Variants in PATJ observed in about 807,000 individuals in gnomAD.
PATJ encodes inaD-like protein.
PATJ carries 190 observed loss-of-function variants against 224.9 expected under a neutral mutation model. That is an observed-to-expected ratio of 0.84 (90% CI 0.75 to 0.95). PATJ has a LOEUF of 0.95. PATJ is among the 40% of genes least tolerant of loss of function. The pLI is 0.00. For missense variants in PATJ, 2,121 were observed against 2,270.3 expected, an observed-to-expected ratio of 0.93 and a Z score of 1.34; for synonymous variants, 769 against 820.3, an observed-to-expected ratio of 0.94 and a Z score of 1.07.
At chr1:61,919,720 A>G (rs113343795) in intron 26 of PATJ, among the ~76,000 whole-genome samples, 42 of 152,208 alleles carry the variant, frequency 2.8e-4, no homozygotes, top group African/African-American at 2.4e-4. Flanking sequence ...TTAGGCTCCA[A>G]TGTGATTTCT....
chr1:61,982,962 C>G (rs1187578302), intron 27 of PATJ, among the ~76,000 whole-genome samples: 2 of 151,876 alleles, frequency 1.3e-5, no homozygotes, highest in African/African-American at 2.4e-5. Flanking sequence ...TACTCTTTAC[C>G]TCTTTAGTCT....
intron 14 of PATJ, among the ~76,000 whole-genome samples, chr1:61,822,416 C>T (rs1432213569): frequency 2.5e-5 from 3 of 121,230 alleles, no homozygotes; most frequent in Non-Finnish European, 4.9e-5. Flanking sequence ...GGCAACAGAG[C>T]GAGACTGTGT....
chr1:61,827,456 G>A lies in PATJ; in HGVS notation c.1853G>A (p.Arg618Gln), dbSNP rs762174302. 2.4e-5 allele frequency: 38 copies of A among 1,613,774 alleles called. No individual in the cohort carries two copies. The highest frequency in any genetic ancestry group is 2.3e-4 in the African/African-American group (17 of 74,842). ...NGMQLYGKSR[R>Q]EAVSFLKEVP... ...ATGCAGCTTTATGGAAAATCTCGCC[G>A]AGAAGCAGTCTCCTTTCTTAAAGAA... The change falls in exon 16 of 44, where the codon CGA (arginine) becomes CAA (glutamine). Residue 618 changes from arginine to glutamine, a missense_variant. Coordinates refer to ENST00000642238, the MANE Select transcript of PATJ (RefSeq NM_001350145.3).
At chr1:62,107,816 T>C (rs1663288134) in intron 33 of PATJ, among the ~76,000 whole-genome samples, 1 of 152,226 alleles carries the variant, frequency 6.6e-6, no homozygotes, top group Non-Finnish European at 1.5e-5. Context: ...AAAGCTTACC[T>C]ACAGTAGATA....
At chr1:61,818,711 AT>A (rs1260564120) in intron 14 of PATJ, among the ~76,000 whole-genome samples, 1 of 152,158 alleles carries the variant, frequency 6.6e-6, no homozygotes, top group Non-Finnish European at 1.5e-5. Flanking sequence ...TTTGTTCACC[AT>A]TTAAGTTTTC....
intron 27 of PATJ, among the ~76,000 whole-genome samples, chr1:61,981,789 A>C (rs1346625595): frequency 6.6e-6 from 1 of 151,560 alleles, no homozygotes; most frequent in Non-Finnish European, 1.5e-5. Flanking sequence ...CTCCTGCCTC[A>C]GCCTCCCGAG....
intron 29 of PATJ, among the ~76,000 whole-genome samples, chr1:62,033,169 T>C (rs1649656201): frequency 6.6e-6 from 1 of 152,210 alleles, no homozygotes; most frequent in Non-Finnish European, 1.5e-5. Context: ...CACTAATTGC[T>C]AATATCATCA....
intron 26 of PATJ, among the ~76,000 whole-genome samples, chr1:61,920,024 T>A (rs1181981481): frequency 6.6e-6 from 1 of 152,212 alleles, no homozygotes; most frequent in Non-Finnish European, 1.5e-5. Context: ...TTATACTTAC[T>A]GATTTTTTTT....
At chr1:61,914,764 T>C in intron 26 of PATJ, 100 bp downstream of exon 26, 1 of 637,672 alleles carries the variant, frequency 1.6e-6, no homozygotes, top group South Asian at 1.9e-5. Context: ...TTGATGAGTG[T>C]CAGTGTTGTA....
rs147502659 is a variant in PATJ, at chr1:62,072,128, T to G, written c.4126-7322T>G. On this transcript the variant is annotated intron_variant, in intron 31 of 43. Coordinates refer to ENST00000642238, the MANE Select transcript of PATJ (RefSeq NM_001350145.3). Reference sequence around the variant, plus strand: ...GACATAAACATTCTGGTCAATTTATTGGTGTTATTATTTATTTCAGTTAAT... The same window carrying G: ...GACATAAACATTCTGGTCAATTTATGGGTGTTATTATTTATTTCAGTTAAT... Among the ~76,000 whole-genome samples the G allele has an allele frequency of 3.2e-3, 481 of 152,238 alleles. 3 individuals carry two copies. The highest frequency in any genetic ancestry group is 0.011 in the African/African-American group (458 of 41,526).
At chr1:61,862,934 C>T (rs777170558) in intron 19 of PATJ, among the ~76,000 whole-genome samples, 6 of 149,482 alleles carry the variant, frequency 4.0e-5, no homozygotes, top group South Asian at 2.1e-4. Context: ...TTTTTAGTGC[C>T]GACATTTTAA....
intron 27 of PATJ, among the ~76,000 whole-genome samples, chr1:61,972,671 C>T (rs919149946): frequency 1.3e-5 from 2 of 152,040 alleles, no homozygotes; most frequent in African/African-American, 4.8e-5. Context: ...GAGCAAACTT[C>T]TGGTACATAT....
chr1:61,913,445 C>G (rs146501375), intron 25 of PATJ, among the ~76,000 whole-genome samples: 2 of 152,102 alleles, frequency 1.3e-5, no homozygotes, highest in African/African-American at 4.8e-5. Flanking sequence ...TGGACTCCAG[C>G]GATCCTCCTG....
intron 41 of PATJ, among the ~76,000 whole-genome samples, chr1:62,136,264 T>G (rs1666854859): frequency 6.6e-6 from 1 of 151,734 alleles, no homozygotes; most frequent in African/African-American, 2.4e-5. Flanking sequence ...ACTCCTGACC[T>G]CAAGTGATCC....
At chr1:61,964,002 G>C (rs1681704541) in intron 27 of PATJ, among the ~76,000 whole-genome samples, 1 of 152,044 alleles carries the variant, frequency 6.6e-6, no homozygotes, top group South Asian at 2.1e-4. Flanking sequence ...GAGTTCTAGA[G>C]GTAATAACTG....
At chr1:61,938,861 T>C (rs1677302399) in intron 27 of PATJ, among the ~76,000 whole-genome samples, 1 of 152,054 alleles carries the variant, frequency 6.6e-6, no homozygotes, top group Admixed American at 6.6e-5. Flanking sequence ...ATCGACTGTG[T>C]ACTCATTTGG....
chr1:61,966,942 G>A (rs982320436), intron 27 of PATJ, among the ~76,000 whole-genome samples: 2 of 152,124 alleles, frequency 1.3e-5, no homozygotes, highest in African/African-American at 2.4e-5. Context: ...TGGTTCTGGC[G>A]GGTTTTGGCC....
chr1:61,856,967 T>C (rs1663779202), intron 18 of PATJ, among the ~76,000 whole-genome samples: 1 of 152,196 alleles, frequency 6.6e-6, no homozygotes, highest in South Asian at 2.1e-4. Context: ...TATGATAAGT[T>C]GAAATCCTTG....
chr1:61,860,513 C>T (rs1664372080), intron 18 of PATJ, among the ~76,000 whole-genome samples: 1 of 152,142 alleles, frequency 6.6e-6, no homozygotes, highest in Admixed American at 6.6e-5. Flanking sequence ...TCATCAGCTT[C>T]CACTTTGCTC....
Sources: gnomAD v4.1 joint callset for allele counts (sites outside exome capture counted in the v4.1 genomes callset) on GRCh38, gnomAD v4.1.1 for gene constraint, MANE v1.5 for transcripts, NCBI Gene and HGNC (gene_info 2026-07-23, HGNC 2026-07-21) for gene names.